SETD7: variants seen among roughly 807,000 people sequenced by gnomAD.
The protein encoded by SETD7 is histone-lysine N-methyltransferase SETD7.
A neutral mutation model predicts 41.8 loss-of-function variants in SETD7; 16 were observed. The observed-to-expected ratio is 0.38, with a 90% CI of 0.26 to 0.58. The LOEUF (loss-of-function observed/expected upper bound fraction) is 0.58. Ranked by LOEUF, SETD7 falls within the 20% of genes least tolerant of loss-of-function variation. The probability of loss-of-function intolerance (pLI) is 0.64; values close to 1 mark genes in which losing one functional copy is unlikely to be tolerated. For missense variants in SETD7, 346 were observed against 459.7 expected (o/e 0.75, Z 2.26); for synonymous variants, 163 against 169.7 (o/e 0.96, Z 0.31).
chr4:139,535,038 T>C (rs550479953), intron 2 of SETD7, among the ~76,000 whole-genome samples: 1 of 152,320 alleles, frequency 6.6e-6, no homozygotes, highest in African/African-American at 2.4e-5. Context: ...GAGAATAAAG[T>C]GCACTTTAGC....
rs148882126 is a variant in SETD7 at position 139,549,017 on chromosome 4, T to C, written c.41-1968A>G. 7.4e-3 allele frequency among the ~76,000 whole-genome samples: 1,125 copies of C among 152,332 alleles called. 17 individuals carry two copies. The highest frequency in any genetic ancestry group is 0.026 in the African/African-American group (1,077 of 41,578). ...TTGAAATAAATTAAATTTGCTTTTT[T>C]CTTTTCATTAAAAAAAGCCACTCAG... On this transcript the variant is annotated intron_variant, in intron 1 of 7. Coordinates refer to ENST00000274031, the MANE Select transcript of SETD7 (RefSeq NM_030648.4).
At chr4:139,523,555 C>G in intron 4 of SETD7, 120 bp from the exon 5 acceptor site, 1 of 614,208 alleles carries the variant, frequency 1.6e-6, no homozygotes, top group South Asian at 2.5e-5. Context: ...TCAAGTTATA[C>G]CAACTAGAAT....
intron 1 of SETD7, 29 bp downstream of exon 1, chr4:139,556,069 C>T (rs1364587269): frequency 2.5e-6 from 4 of 1,579,322 alleles, no homozygotes; most frequent in African/African-American, 2.8e-5. Flanking sequence ...TCTGCGCCTC[C>T]TCCCCCGGCC....
chr4:139,547,538 T>C (rs966630501), intron 1 of SETD7, among the ~76,000 whole-genome samples: 1 of 152,248 alleles, frequency 6.6e-6, no homozygotes, highest in Non-Finnish European at 1.5e-5. Flanking sequence ...ACATTAAGTA[T>C]GCAATATGAT....
At chr4:139,529,304 C>T (rs1307995387) in intron 3 of SETD7, 84 bp from the exon 4 acceptor site, 1 of 1,017,370 alleles carries the variant, frequency 9.8e-7, no homozygotes, top group Admixed American at 2.5e-5. Flanking sequence ...TTCTGCAGTC[C>T]CATTATTAAT....
chr4:139,504,793 T>C (rs1327801854), downstream of SETD7, among the ~76,000 whole-genome samples: 2 of 152,236 alleles, frequency 1.3e-5, no homozygotes, highest in East Asian at 3.8e-4. Flanking sequence ...TACCTCATTC[T>C]ACAACATTTG....
At chr4:139,549,394 G>T (rs1389609698) in intron 1 of SETD7, among the ~76,000 whole-genome samples, 1 of 152,130 alleles carries the variant, frequency 6.6e-6, no homozygotes, top group Admixed American at 6.5e-5. Context: ...CTCAGCAATG[G>T]AATTTAGATA....
At chr4:139,502,957 C>A (rs1219363648), downstream of SETD7, among the ~76,000 whole-genome samples, 1 of 151,736 alleles carries the variant, frequency 6.6e-6, no homozygotes, top group Non-Finnish European at 1.5e-5. Flanking sequence ...CTGAGGTGGG[C>A]GGATTGCCTG....
At chr4:139,498,376 A>C (rs1217688295) in intron 7 of SETD7, among the ~76,000 whole-genome samples, 3 of 152,176 alleles carry the variant, frequency 2.0e-5, no homozygotes, top group Admixed American at 6.5e-5. Context: ...ACAACTAAAG[A>C]CAGCCGGTAC....
chr4:139,539,418 T>C (rs1303450785), intron 2 of SETD7, among the ~76,000 whole-genome samples: 1 of 152,212 alleles, frequency 6.6e-6, no homozygotes, highest in African/African-American at 2.4e-5. Context: ...CTAGAACTAT[T>C]TCCAGCCAGA....
At chr4:139,516,105 GA>G (rs1326821041) in intron 7 of SETD7, among the ~76,000 whole-genome samples, 2 of 151,964 alleles carry the variant, frequency 1.3e-5, no homozygotes, top group African/African-American at 2.4e-5. Context: ...TGGGACACAG[GA>G]AAAAAAGGGA....
intron 4 of SETD7, among the ~76,000 whole-genome samples, chr4:139,525,253 A>G (rs910940585): frequency 2.6e-5 from 4 of 152,202 alleles, no homozygotes; most frequent in African/African-American, 7.2e-5. Context: ...CATGTACAAC[A>G]CTAGGGACTG....
intron 5 of SETD7, among the ~76,000 whole-genome samples, chr4:139,520,845 A>T (rs1410820018): frequency 6.6e-6 from 1 of 152,246 alleles, no homozygotes; most frequent in African/African-American, 2.4e-5. Context: ...TATATGCAAC[A>T]GTGACAAACA....
chr4:139,533,782 G>T (rs1727556323), intron 2 of SETD7, among the ~76,000 whole-genome samples: 1 of 152,180 alleles, frequency 6.6e-6, no homozygotes, highest in South Asian at 2.1e-4. Flanking sequence ...TCTTTCAGAT[G>T]GCTTGTATAT....
intron 5 of SETD7, 107 bp downstream of exon 5, chr4:139,523,247 C>G (rs1727229805): frequency 6.8e-6 from 5 of 738,296 alleles, no homozygotes; most frequent in Admixed American, 4.8e-5. Context: ...TTGGTCTGAG[C>G]TGGAACCCAG....
At chr4:139,498,630 G>C (rs1256214169) in intron 7 of SETD7, among the ~76,000 whole-genome samples, 2 of 152,104 alleles carry the variant, frequency 1.3e-5, no homozygotes, top group Non-Finnish European at 1.5e-5. Context: ...AGAAATGAAG[G>C]CCTCAGAGGC....
chr4:139,523,270 G>C (rs1049901996), intron 5 of SETD7, 84 bp downstream of exon 5: 131 of 995,246 alleles, frequency 1.3e-4, no homozygotes, highest in Non-Finnish European at 4.4e-5. Flanking sequence ...TGGGCAGAGA[G>C]CCAAAGAGGT....
chr4:139,529,773 C>T (rs1008637746), intron 3 of SETD7, among the ~76,000 whole-genome samples: 1 of 152,170 alleles, frequency 6.6e-6, no homozygotes, highest in African/African-American at 2.4e-5. Flanking sequence ...GAGTTATCTG[C>T]ACTTTTTCAG....
chr4:139,529,645 T>TC (rs1727427850), intron 3 of SETD7, among the ~76,000 whole-genome samples: 1 of 152,256 alleles, frequency 6.6e-6, no homozygotes. Context: ...AGCAAGACAC[T>TC]CCTACCCACT....
Sources: gnomAD v4.1 joint callset for allele counts (sites outside exome capture counted in the v4.1 genomes callset) on GRCh38, gnomAD v4.1.1 for gene constraint, MANE v1.5 for transcripts, NCBI Gene and HGNC (gene_info 2026-07-23, HGNC 2026-07-21) for gene names.